LAMA2: variants seen among roughly 807,000 people sequenced by gnomAD.
The protein encoded by LAMA2 is laminin subunit alpha 2, also known as laminin subunit alpha-2.
In LAMA2, 269 loss-of-function variants were observed where a neutral mutation model predicts 364.8. That is an observed-to-expected ratio of 0.74 (90% CI 0.67 to 0.82). The LOEUF (loss-of-function observed/expected upper bound fraction) is 0.82, where lower values mean the gene tolerates loss of function less well. Among genes scored for constraint, LAMA2 ranks in the 40% least tolerant of loss-of-function variants. The pLI is 0.00. For missense variants in LAMA2, 3,807 were observed against 3,873.2 expected (o/e 0.98, Z 0.45); for synonymous variants, 1,379 against 1,370.6 (o/e 1.01, Z -0.14).
chr6:128,954,241 A>G (rs970372350), intron 1 of LAMA2, among the ~76,000 whole-genome samples: 1 of 152,142 alleles, frequency 6.6e-6, no homozygotes, highest in Admixed American at 6.6e-5. Flanking sequence ...ATGCTGTCTG[A>G]TATTATTCTT....
At chr6:128,972,232 A>T (rs1782229093) in intron 1 of LAMA2, among the ~76,000 whole-genome samples, 1 of 152,226 alleles carries the variant, frequency 6.6e-6, no homozygotes. Flanking sequence ...GTAAAAAAAA[A>T]TCTGTTCTAT....
intron 8 of LAMA2, among the ~76,000 whole-genome samples, chr6:129,155,273 T>C (rs1258821535): frequency 6.6e-6 from 1 of 152,156 alleles, no homozygotes; most frequent in African/African-American, 2.4e-5. Flanking sequence ...GCTTTTTTCA[T>C]AGGATAGGTA....
At chr6:129,192,017 G>A (rs1781546479) in intron 11 of LAMA2, among the ~76,000 whole-genome samples, 1 of 152,162 alleles carries the variant, frequency 6.6e-6, no homozygotes, top group African/African-American at 2.4e-5. Context: ...TCTGGGCCAG[G>A]GATCTAGGCT....
intron 3 of LAMA2, among the ~76,000 whole-genome samples, chr6:129,076,768 T>C (rs1773684914): frequency 6.6e-6 from 1 of 152,012 alleles, no homozygotes; most frequent in Non-Finnish European, 1.5e-5. Context: ...TACATTCCCT[T>C]GTCAAAACAC....
At chr6:129,366,594 A>G (rs947028914) in intron 33 of LAMA2, among the ~76,000 whole-genome samples, 2 of 152,200 alleles carry the variant, frequency 1.3e-5, no homozygotes, top group Admixed American at 1.3e-4. Context: ...GGCCTAAATC[A>G]GTTTTATTAT....
At chr6:129,406,957 G>A (rs1780277765) in intron 40 of LAMA2, among the ~76,000 whole-genome samples, 1 of 152,190 alleles carries the variant, frequency 6.6e-6, no homozygotes, top group African/African-American at 2.4e-5. Context: ...CAAACCCCTG[G>A]TGTAAGTCCA....
intron 1 of LAMA2, among the ~76,000 whole-genome samples, chr6:128,942,212 T>G (rs1213832239): frequency 6.6e-6 from 1 of 152,164 alleles, no homozygotes; most frequent in Admixed American, 6.5e-5. Context: ...ATCCTGTCTA[T>G]TATATTTCCC....
chr6:129,513,004 G>A (rs915302069), intron 63 of LAMA2, among the ~76,000 whole-genome samples: 9 of 152,148 alleles, frequency 5.9e-5, no homozygotes, highest in African/African-American at 1.9e-4. Context: ...TAAAAGTAGT[G>A]TGTCAGTTTG....
At chr6:129,477,404 T>A (rs547847956) in intron 53 of LAMA2, among the ~76,000 whole-genome samples, 1 of 152,308 alleles carries the variant, frequency 6.6e-6, no homozygotes, top group South Asian at 2.1e-4. Context: ...CCTTTGTTTG[T>A]TGAGCACTTA....
rs138812618 is a variant in LAMA2 at position 129,418,487 on chromosome 6, C to T, written c.5866-9265C>T. On this transcript the variant is annotated intron_variant, in intron 40 of 64. Transcript: ENST00000421865. ...GATATTTATATTACCCTAAGAGATA[C>T]GGAAGTTGAACAGAATAAAAAAATT... is the stretch of plus-strand genomic sequence containing the variant. Among the ~76,000 whole-genome samples the T allele has an allele frequency of 2.7e-3, 411 of 151,948 alleles. 3 individuals are homozygous for T. The highest frequency in any genetic ancestry group is 9.3e-3 in the African/African-American group (386 of 41,418).
chr6:129,084,429 ATGT>A (rs5879923), intron 3 of LAMA2, among the ~76,000 whole-genome samples: 144,382 of 152,132 alleles, frequency 0.95, 68,582 homozygotes, highest in East Asian at 0.97. Flanking sequence ...CATTTCTAAA[ATGT>A]TGTTCATGTC....
intron 7 of LAMA2, among the ~76,000 whole-genome samples, chr6:129,151,895 T>C (rs1778824812): frequency 6.6e-6 from 1 of 152,184 alleles, no homozygotes; most frequent in South Asian, 2.1e-4. Context: ...AAAAAAGGAA[T>C]TCTTGTATGT....
At chr6:129,312,775 TGGAAGCATA>T in intron 22 of LAMA2, 77 bp from the exon 23 acceptor site, 1 of 911,848 alleles carries the variant, frequency 1.1e-6, no homozygotes, top group Non-Finnish European at 1.8e-6. Flanking sequence ...ATGTGTTTAA[TGGAAGCATA>T]GAAACATTAG....
chr6:128,996,977 G>T lies in LAMA2; in HGVS notation c.113-52941G>T, dbSNP rs189772669. 9.8e-3 allele frequency among the ~76,000 whole-genome samples: 1,486 copies of T among 152,208 alleles called. 10 individuals are homozygous for T. Among genetic ancestry groups the T allele is most frequent in the Middle Eastern group, 0.037 (11 of 294 alleles). On this transcript the variant is annotated intron_variant, in intron 1 of 64. Transcript: ENST00000421865. ...AAGGATGAGTTCATGTCCTTTGCAG[G>T]GACATGGATGAAGCTGGAAACCATC...
chr6:129,468,093 C>T (rs1430404606), intron 51 of LAMA2, among the ~76,000 whole-genome samples: 2 of 151,790 alleles, frequency 1.3e-5, no homozygotes, highest in Non-Finnish European at 2.9e-5. Context: ...ACTCACATTG[C>T]TTTTTGCCTT....
chr6:129,006,701 A>G (rs1259362829), intron 1 of LAMA2, among the ~76,000 whole-genome samples: 1 of 151,828 alleles, frequency 6.6e-6, no homozygotes, highest in East Asian at 1.9e-4. Flanking sequence ...CCTGCTTAAT[A>G]CTCTCCTAGG....
chr6:129,497,122 C>T (rs1785248745), intron 58 of LAMA2, among the ~76,000 whole-genome samples: 1 of 152,162 alleles, frequency 6.6e-6, no homozygotes, highest in African/African-American at 2.4e-5. Context: ...AATTTTTAAG[C>T]AATTCCAAAC....
intron 51 of LAMA2, 47 bp from the exon 52 acceptor site, chr6:129,473,167 G>T (rs200041890): frequency 5.5e-6 from 8 of 1,451,578 alleles, no homozygotes; most frequent in Non-Finnish European, 7.7e-6. Context: ...TATAGATGTG[G>T]TTGATATTGC....
intron 4 of LAMA2, among the ~76,000 whole-genome samples, chr6:129,105,963 A>T (rs1381336169): frequency 6.6e-6 from 1 of 152,048 alleles, no homozygotes; most frequent in African/African-American, 2.4e-5. Flanking sequence ...TACCATAGTG[A>T]TTTTGCTTCC....
Sources: gnomAD v4.1 joint callset for allele counts (sites outside exome capture counted in the v4.1 genomes callset) on GRCh38, gnomAD v4.1.1 for gene constraint, MANE v1.5 for transcripts, NCBI Gene and HGNC (gene_info 2026-07-23, HGNC 2026-07-21) for gene names.